ARHGEF4: variants seen among roughly 807,000 people sequenced by gnomAD.
ARHGEF4 encodes APC-stimulated guanine nucleotide exchange factor 1.
In ARHGEF4, 119 loss-of-function variants were observed where a neutral mutation model predicts 162.0. The ratio of observed to expected loss-of-function variants is 0.73; its 90% CI spans 0.63 to 0.86. The LOEUF (loss-of-function observed/expected upper bound fraction) is 0.86, where lower values mean the gene tolerates loss of function less well. ARHGEF4 is among the 40% of genes least tolerant of loss of function. ARHGEF4 has a pLI of 0.00. For synonymous variants in ARHGEF4, 1,014 were observed against 979.9 expected (o/e 1.03, Z -0.65); for missense variants, 2,488 against 2,456.0 (o/e 1.01, Z -0.28).
rs1687094335 is a variant in ARHGEF4 at position 130,992,522 on chromosome 2, G to A, written c.3986-35423G>A. Among the ~76,000 whole-genome samples, 5 of 151,792 alleles carry A rather than the reference G, an allele frequency of 3.3e-5. No individual in the cohort carries two copies. In the South Asian group the frequency reaches 1.0e-3, roughly 32 times the overall value. ...GGGGAAGGTCTGCAGCTTCACTCCT[G>A]AGCCAGCGAGACCACGAACCGGGCG... On this transcript the variant is annotated intron_variant, in intron 4 of 13. Transcript: ENST00000409359.
Position 131,046,159 on chromosome 2 carries a change from C to T in ARHGEF4, c.5601C>T (p.Ser1867=), listed in dbSNP as rs765105968. Reference sequence around the variant, plus strand: ...GCAAGCCATCTACCTTCTGGCACAGCATCAGCCGGCTGGCACCCTTCCGCA... The same window carrying T: ...GCAAGCCATCTACCTTCTGGCACAGTATCAGCCGGCTGGCACCCTTCCGCA... The part of the protein sequence containing the change: ...PRRKPSTFWH[S]ISRLAPFRK The change falls in exon 14 of 14, where the codon AGC becomes AGT. Residue 1867 remains serine (S), a synonymous_variant. Transcript: ENST00000409359. The T allele has an allele frequency of 6.2e-7, 1 of 1,612,888 alleles. No individual in the cohort carries two copies. The highest frequency in any genetic ancestry group is 8.5e-7 in the Non-Finnish European group (1 of 1,179,798).
At chr2:130,895,481 A>G (rs1360309554) in intron 1 of ARHGEF4, among the ~76,000 whole-genome samples, 1 of 152,206 alleles carries the variant, frequency 6.6e-6, no homozygotes, top group African/African-American at 2.4e-5. Flanking sequence ...TGTTCCCACC[A>G]GCTGAGTGCA....
intron 1 of ARHGEF4, among the ~76,000 whole-genome samples, chr2:130,869,191 G>A (rs1409518494): frequency 2.0e-5 from 3 of 152,210 alleles, no homozygotes; most frequent in Admixed American, 6.5e-5. Flanking sequence ...AGAAAGATCT[G>A]TCTGGCCACA....
At chr2:130,898,041 T>C (rs1472105571) in intron 1 of ARHGEF4, among the ~76,000 whole-genome samples, 1 of 152,188 alleles carries the variant, frequency 6.6e-6, no homozygotes, top group Non-Finnish European at 1.5e-5. Context: ...TACAGGGTTA[T>C]GCATGTGTGT....
chr2:130,881,528 T>C, intron 1 of ARHGEF4, among the ~76,000 whole-genome samples: 1 of 150,874 alleles, frequency 6.6e-6, no homozygotes, highest in East Asian at 1.9e-4. Flanking sequence ...TCCAAATATA[T>C]GACATTCAAG....
intron 1 of ARHGEF4, among the ~76,000 whole-genome samples, chr2:130,844,501 G>A (rs1158548437): frequency 2.0e-5 from 3 of 152,180 alleles, no homozygotes; most frequent in African/African-American, 7.2e-5. Context: ...TGTACCACAG[G>A]GGTCGATTTG....
intron 1 of ARHGEF4, among the ~76,000 whole-genome samples, chr2:130,851,711 C>A (rs1213183346): frequency 6.6e-6 from 1 of 152,234 alleles, no homozygotes; most frequent in Non-Finnish European, 1.5e-5. Flanking sequence ...CTGCTGCTGT[C>A]CTCAGCTCAT....
rs549490246 is a variant in ARHGEF4 at position 130,971,197 on chromosome 2, C to T, written c.3985+24562C>T. ...TTTTTCTCCATTAATTTCCTTTGTA[C>T]CTTTGTCAAAAAACAACAGTCTATA... On this transcript the variant is annotated intron_variant, in intron 4 of 13. Coordinates refer to ENST00000409359, the MANE Select transcript of ARHGEF4 (RefSeq NM_001367493.1). Among the ~76,000 whole-genome samples, 247 of 152,188 alleles carry T rather than the reference C, an allele frequency of 1.6e-3. 1 individual carries two copies. The highest frequency in any genetic ancestry group is 3.4e-3 in the Middle Eastern group (1 of 294).
intron 4 of ARHGEF4, among the ~76,000 whole-genome samples, chr2:130,989,479 A>G (rs370810717): frequency 7.9e-5 from 12 of 152,348 alleles, no homozygotes; most frequent in East Asian, 7.7e-4. Context: ...CATAAATAAC[A>G]TACCTTACAA....
At chr2:130,978,027 T>C (rs1252945354) in intron 4 of ARHGEF4, among the ~76,000 whole-genome samples, 1 of 152,186 alleles carries the variant, frequency 6.6e-6, no homozygotes, top group African/African-American at 2.4e-5. Flanking sequence ...TCTGATGTGG[T>C]GATCTGGTGA....
rs573631457 is a variant in ARHGEF4 at position 131,046,331 on chromosome 2, G to C, written c.*142G>C. On this transcript the variant is annotated 3_prime_UTR_variant, in exon 14 of 14. Coordinates refer to ENST00000409359, the MANE Select transcript of ARHGEF4 (RefSeq NM_001367493.1). Reference sequence around the variant, plus strand: ...GGGGAGTTGCTTGTGCCACCAAGACGTGCCAGGTCTGTACTCCTGTTGTCT... The same window carrying C: ...GGGGAGTTGCTTGTGCCACCAAGACCTGCCAGGTCTGTACTCCTGTTGTCT... 1.6e-5 allele frequency: 14 copies of C among 851,772 alleles called. No individual in the cohort carries two copies. The Admixed American group carries it at 2.6e-4, about 16-fold the overall frequency. 52.8% of individuals were successfully genotyped at this position (851,772 alleles called of 1,614,324 possible).
chr2:131,039,623 C>G (rs1690603950), intron 6 of ARHGEF4: 2 of 1,100,894 alleles, frequency 1.8e-6, no homozygotes, highest in African/African-American at 3.4e-5. Context: ...ACTGTCCACT[C>G]CGCACCCTAA....
intron 5 of ARHGEF4, among the ~76,000 whole-genome samples, chr2:131,031,602 C>T (rs1025752514): frequency 4.6e-5 from 7 of 152,254 alleles, no homozygotes; most frequent in East Asian, 1.9e-4. Context: ...CACAATGTCT[C>T]GTTCCTTCTG....
intron 4 of ARHGEF4, among the ~76,000 whole-genome samples, chr2:130,997,348 A>C (rs191317018): frequency 2.6e-5 from 4 of 152,302 alleles, no homozygotes; most frequent in Admixed American, 2.6e-4. Context: ...ACTAGTTCTC[A>C]TAGTTTGATG....
chr2:131,001,957 G>A (rs1284785396), intron 4 of ARHGEF4, among the ~76,000 whole-genome samples: 3 of 152,098 alleles, frequency 2.0e-5, no homozygotes, highest in Non-Finnish European at 4.4e-5. Context: ...TAATATTTTG[G>A]GAGATAAGCA....
intron 3 of ARHGEF4, among the ~76,000 whole-genome samples, chr2:130,939,955 T>G (rs1262911308): frequency 6.6e-6 from 1 of 152,240 alleles, no homozygotes; most frequent in African/African-American, 2.4e-5. Flanking sequence ...TCTGCTGAAT[T>G]CATTTGTTAG....
In ARHGEF4 at chr2:130,949,741, C is replaced by T. The variant is rs551186028; in HGVS notation, c.3985+3106C>T. Among the ~76,000 whole-genome samples the T allele has an allele frequency of 9.2e-5, 14 of 152,294 alleles. No individual in the cohort carries two copies. The East Asian group carries it at 2.7e-3, about 29-fold the overall frequency. On this transcript the variant is annotated intron_variant, in intron 4 of 13. Transcript: ENST00000409359. ...CTCGGCTCACTGCAGCCTCCACTTC[C>T]TGGGTTCAAGCAATTCTCCTGCCTC... is the stretch of plus-strand genomic sequence containing the variant.
At chr2:130,962,237 C>CAA (rs11332592) in intron 4 of ARHGEF4, among the ~76,000 whole-genome samples, 24 of 122,336 alleles carry the variant, frequency 2.0e-4, no homozygotes, top group African/African-American at 7.1e-4. Flanking sequence ...GTTTCCGTTT[C>CAA]AAAAAAAAAA....
chr2:131,012,010 AAGAC>A (rs1688484413), intron 4 of ARHGEF4: 3 of 679,042 alleles, frequency 4.4e-6, no homozygotes, highest in South Asian at 3.1e-5. Flanking sequence ...AACTGAAAGA[AAGAC>A]AGGCGTCAGG....
Sources: gnomAD v4.1 joint callset for allele counts (sites outside exome capture counted in the v4.1 genomes callset) on GRCh38, gnomAD v4.1.1 for gene constraint, MANE v1.5 for transcripts, NCBI Gene and HGNC (gene_info 2026-07-23, HGNC 2026-07-21) for gene names.